The following CFAP299 variants were observed in gnomAD, a reference collection of about 807,000 sequenced individuals.
CFAP299 encodes cilia- and flagella-associated protein 299.
Under a neutral mutation model 27.0 loss-of-function variants are expected in CFAP299, and 21 were observed. The observed-to-expected ratio is 0.78, with a 90% CI of 0.55 to 1.12. The LOEUF is 1.12. Among genes scored for constraint, CFAP299 ranks in the 50% most tolerant of loss-of-function variants. The pLI is 0.00. For synonymous variants in CFAP299, 104 were observed against 98.1 expected, an observed-to-expected ratio of 1.06 and a Z score of -0.36; for missense variants, 310 against 276.6, an observed-to-expected ratio of 1.12 and a Z score of -0.86.
intron 3 of CFAP299, among the ~76,000 whole-genome samples, chr4:80,757,803 C>A (rs1202949638): frequency 2.0e-5 from 3 of 151,992 alleles, no homozygotes; most frequent in African/African-American, 7.3e-5. Context: ...TTCCCTGACC[C>A]CTTTGTGGGT....
chr4:80,902,586 T>TATAC (rs370673737), intron 4 of CFAP299, among the ~76,000 whole-genome samples: 3,280 of 126,664 alleles, frequency 0.026, 150 homozygotes, highest in African/African-American at 0.089. Context: ...ATGTAATATA[T>TATAC]ACACACACAC....
At chr4:80,623,524 T>C (rs1429098325) in intron 3 of CFAP299, among the ~76,000 whole-genome samples, 1 of 152,184 alleles carries the variant, frequency 6.6e-6, no homozygotes, top group African/African-American at 2.4e-5. Flanking sequence ...AAAATATTCT[T>C]GCAAGAGCTA....
intron 3 of CFAP299, among the ~76,000 whole-genome samples, chr4:80,809,290 C>T (rs1165053125): frequency 5.9e-5 from 9 of 152,062 alleles, no homozygotes; most frequent in East Asian, 3.9e-4. Context: ...TTGTTGATAG[C>T]GTATTATAGC....
At chr4:80,556,132 A>G (rs1347173785) in intron 2 of CFAP299, among the ~76,000 whole-genome samples, 5 of 152,212 alleles carry the variant, frequency 3.3e-5, no homozygotes, top group Non-Finnish European at 5.9e-5. Flanking sequence ...ATATTGGGTT[A>G]GCAATCTTTA....
chr4:80,526,106 G>A (rs1733161482), intron 2 of CFAP299, among the ~76,000 whole-genome samples: 1 of 152,130 alleles, frequency 6.6e-6, no homozygotes, highest in African/African-American at 2.4e-5. Context: ...GCACTATTTA[G>A]CAGTTATGTA....
intron 3 of CFAP299, among the ~76,000 whole-genome samples, chr4:80,732,227 CTGTT>C (rs1219768222): frequency 6.6e-6 from 1 of 152,080 alleles, no homozygotes; most frequent in Non-Finnish European, 1.5e-5. Flanking sequence ...ATAAATCTTG[CTGTT>C]TATTTGGAGA....
chr4:80,879,069 GC>G (rs1733558666), intron 4 of CFAP299, among the ~76,000 whole-genome samples: 1 of 152,074 alleles, frequency 6.6e-6, no homozygotes, highest in Non-Finnish European at 1.5e-5. Flanking sequence ...AAATAAGGAT[GC>G]ACCATGATCA....
upstream of CFAP299, among the ~76,000 whole-genome samples, chr4:80,333,582 T>A (rs1225451987): frequency 6.6e-6 from 1 of 152,184 alleles, no homozygotes; most frequent in Non-Finnish European, 1.5e-5. Context: ...TATAAAAGTG[T>A]AGAGCTTAAT....
chr4:80,475,315 C>T (rs140932744), intron 2 of CFAP299, among the ~76,000 whole-genome samples: 105 of 152,266 alleles, frequency 6.9e-4, no homozygotes, highest in African/African-American at 2.4e-3. Context: ...AGCAGGCAGA[C>T]CAGTTACCGG....
At chr4:80,608,092 T>G (rs1489135550) in intron 3 of CFAP299, among the ~76,000 whole-genome samples, 1 of 152,156 alleles carries the variant, frequency 6.6e-6, no homozygotes, top group African/African-American at 2.4e-5. Context: ...AATATATGTG[T>G]GTGTATATAT....
chr4:80,573,182 T>C (rs991348184), intron 2 of CFAP299, among the ~76,000 whole-genome samples: 2 of 152,186 alleles, frequency 1.3e-5, no homozygotes, highest in African/African-American at 4.8e-5. Context: ...AATGAGATGA[T>C]ATCTCATTAT....
At chr4:80,493,445 G>A (rs1731246457) in intron 2 of CFAP299, among the ~76,000 whole-genome samples, 1 of 152,148 alleles carries the variant, frequency 6.6e-6, no homozygotes, top group East Asian at 1.9e-4. Context: ...TGGGATGAGT[G>A]CTTTGGCGGA....
intron 2 of CFAP299, among the ~76,000 whole-genome samples, chr4:80,432,344 G>C (rs1323018216): frequency 2.0e-5 from 3 of 151,684 alleles, no homozygotes; most frequent in Admixed American, 1.3e-4. Flanking sequence ...GTAGAGACGG[G>C]GTTTCACCAT....
At chr4:80,802,202 G>A (rs1210848165) in intron 3 of CFAP299, among the ~76,000 whole-genome samples, 1 of 152,062 alleles carries the variant, frequency 6.6e-6, no homozygotes, top group Non-Finnish European at 1.5e-5. Context: ...TGCAGGGATT[G>A]CAAGGATGGA....
intron 3 of CFAP299, among the ~76,000 whole-genome samples, chr4:80,760,555 A>G (rs1725492144): frequency 6.6e-6 from 1 of 152,212 alleles, no homozygotes; most frequent in South Asian, 2.1e-4. Context: ...CTAAGATGAC[A>G]TAGTACAAAA....
intron 1 of CFAP299, among the ~76,000 whole-genome samples, chr4:80,361,614 T>G (rs1253228787): frequency 1.3e-5 from 2 of 152,214 alleles, no homozygotes; most frequent in Non-Finnish European, 2.9e-5. Context: ...CCTTGGGCCT[T>G]CCAAGACCTG....
chr4:80,531,889 G>A (rs1213085798), intron 2 of CFAP299, among the ~76,000 whole-genome samples: 12 of 151,954 alleles, frequency 7.9e-5, no homozygotes, highest in Admixed American at 7.2e-4. Flanking sequence ...AAGTAGCTGG[G>A]ATTACAGTCA....
At chr4:80,623,243 G>GT (rs1264947471) in intron 3 of CFAP299, among the ~76,000 whole-genome samples, 3 of 149,400 alleles carry the variant, frequency 2.0e-5, no homozygotes, top group African/African-American at 7.6e-5. Context: ...TCTAAAGTAT[G>GT]TAAGTAAACT....
intron 2 of CFAP299, among the ~76,000 whole-genome samples, chr4:80,431,366 T>TC (rs71664805): frequency 0.56 from 80,872 of 144,538 alleles, 25,556 homozygotes; most frequent in Non-Finnish European, 0.7. Context: ...CCTCCATCTC[T>TC]CCCCCCTTCC....
Sources: allele counts gnomAD v4.1 joint callset (sites outside exome capture counted in the v4.1 genomes callset), GRCh38; gene constraint gnomAD v4.1.1; transcripts MANE v1.5; gene names NCBI Gene and HGNC (gene_info 2026-07-23, HGNC 2026-07-21).